The following GAB2 variants were observed in gnomAD, a reference collection of about 807,000 sequenced individuals.
GAB2 encodes GRB2 associated binding protein 2, also known as GRB2-associated-binding protein 2.
Under a neutral mutation model 65.5 loss-of-function variants are expected in GAB2, and 26 were observed. The ratio of observed to expected loss-of-function variants is 0.40; its 90% CI spans 0.29 to 0.55. The LOEUF is 0.55. Among genes scored for constraint, GAB2 ranks in the 20% least tolerant of loss-of-function variants. The pLI is 0.53. For missense variants in GAB2, 884 were observed against 875.8 expected (o/e 1.01, Z -0.12); for synonymous variants, 321 against 329.6 (o/e 0.97, Z 0.28).
intron 1 of GAB2, among the ~76,000 whole-genome samples, chr11:78,318,774 A>AAAGTT (rs1346057544): frequency 6.6e-6 from 1 of 152,108 alleles, no homozygotes; most frequent in Non-Finnish European, 1.5e-5. Context: ...AACTGGCATA[A>AAAGTT]AAGTTAATCT....
At chr11:78,258,398 C>T (rs1367329653) in intron 2 of GAB2, among the ~76,000 whole-genome samples, 2 of 152,158 alleles carry the variant, frequency 1.3e-5, no homozygotes, top group African/African-American at 2.4e-5. Flanking sequence ...TGATAAGCAT[C>T]CACGTTCTCT....
intron 1 of GAB2, among the ~76,000 whole-genome samples, chr11:78,309,657 G>A (rs549754600): frequency 5.9e-5 from 9 of 152,086 alleles, no homozygotes; most frequent in South Asian, 4.2e-4. Flanking sequence ...TAAAAAACCT[G>A]TCTTGACAGA....
chr11:78,385,003 G>T (rs1253788003), intron 1 of GAB2, among the ~76,000 whole-genome samples: 4 of 152,116 alleles, frequency 2.6e-5, no homozygotes, highest in Non-Finnish European at 5.9e-5. Flanking sequence ...TGTAATGCAG[G>T]ATATCTATGA....
intron 1 of GAB2, among the ~76,000 whole-genome samples, chr11:78,379,991 T>C (rs73502914): frequency 0.028 from 4,197 of 152,326 alleles, 164 homozygotes; most frequent in African/African-American, 0.089. Context: ...TAGGCAAATA[T>C]GGACAATGAA....
intron 1 of GAB2, among the ~76,000 whole-genome samples, chr11:78,414,468 T>G (rs1174362792): frequency 1.3e-5 from 2 of 152,206 alleles, no homozygotes; most frequent in African/African-American, 2.4e-5. Context: ...CCAGTGAAAT[T>G]GATAGAAAAC....
chr11:78,233,820 G>T (rs976251630), intron 3 of GAB2, among the ~76,000 whole-genome samples: 37 of 152,262 alleles, frequency 2.4e-4, no homozygotes, highest in African/African-American at 7.2e-4. Context: ...CACCATATTG[G>T]CCAGGCTGGT....
intron 1 of GAB2, among the ~76,000 whole-genome samples, chr11:78,328,344 T>C (rs1217436738): frequency 6.6e-6 from 1 of 152,210 alleles, no homozygotes; most frequent in Non-Finnish European, 1.5e-5. Context: ...GGAAGGCTTT[T>C]TAAAAAAGAC....
chr11:78,387,622 G>A (rs1410701864), intron 1 of GAB2, among the ~76,000 whole-genome samples: 1 of 152,214 alleles, frequency 6.6e-6, no homozygotes, highest in Non-Finnish European at 1.5e-5. Context: ...CTGTCAGACT[G>A]TACAGAGTTA....
chr11:78,310,513 CAAAA>C (rs11285625), intron 1 of GAB2, among the ~76,000 whole-genome samples: 1 of 74,736 alleles, frequency 1.3e-5, no homozygotes, highest in African/African-American at 5.1e-5. Flanking sequence ...GACTCTGTCT[CAAAA>C]AAAAAAAAAA....
At chr11:78,415,698 G>C (rs1396701405) in intron 1 of GAB2, among the ~76,000 whole-genome samples, 1 of 152,156 alleles carries the variant, frequency 6.6e-6, no homozygotes, top group Non-Finnish European at 1.5e-5. Flanking sequence ...GCCATCATAC[G>C]ACTAGATTCG....
chr11:78,296,874 C>T (rs4340079), intron 1 of GAB2, among the ~76,000 whole-genome samples: 32,479 of 152,090 alleles, frequency 0.21, 3,757 homozygotes, highest in East Asian at 0.4. Flanking sequence ...AGATTTGGTG[C>T]CTGGTGAGGG....
chr11:78,310,743 C>A (rs1855483002), intron 1 of GAB2, among the ~76,000 whole-genome samples: 1 of 152,136 alleles, frequency 6.6e-6, no homozygotes, highest in African/African-American at 2.4e-5. Context: ...GCGCCACTGT[C>A]CTTCAGTCTC....
At chr11:78,401,934 T>C (rs1296636281) in intron 1 of GAB2, among the ~76,000 whole-genome samples, 1 of 152,196 alleles carries the variant, frequency 6.6e-6, no homozygotes, top group Non-Finnish European at 1.5e-5. Flanking sequence ...TGAATTTCCA[T>C]CTGGTTATAT....
chr11:78,336,377 T>C (rs966516931), intron 1 of GAB2, among the ~76,000 whole-genome samples: 3 of 144,756 alleles, frequency 2.1e-5, no homozygotes, highest in Non-Finnish European at 4.5e-5. Context: ...ACAAGAATTA[T>C]TTCCCAGATT....
At chr11:78,366,445 G>T (rs551579579) in intron 1 of GAB2, among the ~76,000 whole-genome samples, 1 of 151,928 alleles carries the variant, frequency 6.6e-6, no homozygotes, top group Non-Finnish European at 1.5e-5. Context: ...AATTAGCCAG[G>T]TACAGTGGTG....
intron 2 of GAB2, among the ~76,000 whole-genome samples, chr11:78,271,587 G>A (rs1051802071): frequency 6.6e-6 from 1 of 152,182 alleles, no homozygotes; most frequent in African/African-American, 2.4e-5. Flanking sequence ...GTAGAAATAA[G>A]AATCTGGAGG....
At chr11:78,256,798 A>T (rs1865607108) in intron 2 of GAB2, among the ~76,000 whole-genome samples, 1 of 152,170 alleles carries the variant, frequency 6.6e-6, no homozygotes. Context: ...CCCTTGGGAG[A>T]AGAAAAGAAT....
Position 78,226,620 on chromosome 11 carries a change from G to GGGGGGGGGGGGCCC in GAB2, c.1051_1052insGGGCCCCCCCCCCC (p.Pro351ArgfsTer81). The GGGGGGGGGGGGCCC allele has an allele frequency of 6.7e-7, 1 of 1,500,554 alleles. No homozygotes were observed. Among genetic ancestry groups the GGGGGGGGGGGGCCC allele is most frequent in the Non-Finnish European group, 9.3e-7 (1 of 1,079,018 alleles). 93.0% of individuals were successfully genotyped at this position (1,500,554 alleles called of 1,614,324 possible). A position where few individuals can be genotyped will look rare whatever the true frequency, so the allele number is the denominator to read the frequency against. ...ACTTGGCTTGGGGGGGCGGGGTGGG[G>GGGGGGGGGGGGCCC]GAGCTATGGCTGAGTCCCCAGGAGT... On this transcript the variant is annotated frameshift_variant, in exon 4 of 10. Coordinates refer to ENST00000361507, the MANE Select transcript of GAB2 (RefSeq NM_080491.3). LOFTEE classifies it high-confidence loss of function.
intron 5 of GAB2, among the ~76,000 whole-genome samples, chr11:78,224,596 C>G (rs1864566803): frequency 6.6e-6 from 1 of 152,210 alleles, no homozygotes; most frequent in Admixed American, 6.5e-5. Flanking sequence ...TACCTGATTT[C>G]ACTGTCTTTT....
Sources: allele counts gnomAD v4.1 joint callset (sites outside exome capture counted in the v4.1 genomes callset), GRCh38; gene constraint gnomAD v4.1.1; transcripts MANE v1.5; gene names NCBI Gene and HGNC (gene_info 2026-07-23, HGNC 2026-07-21).